The following LMX1B variants were observed in gnomAD, a reference collection of about 807,000 sequenced individuals.
LMX1B encodes LIM homeobox transcription factor 1-beta.
LMX1B carries 12 observed loss-of-function variants against 51.4 expected under a neutral mutation model. The observed-to-expected ratio is 0.23, with a 90% CI of 0.15 to 0.38. The LOEUF (loss-of-function observed/expected upper bound fraction) is 0.38, where lower values mean the gene tolerates loss of function less well. Ranked by LOEUF, LMX1B falls within the 10% of genes least tolerant of loss-of-function variation. The probability of loss-of-function intolerance (pLI) is 1.00; values close to 1 mark genes in which losing one functional copy is unlikely to be tolerated. For synonymous variants in LMX1B, 237 were observed against 235.4 expected (o/e 1.01, Z -0.06); for missense variants, 445 against 571.1 (o/e 0.78, Z 2.25).
intron 2 of LMX1B, among the ~76,000 whole-genome samples, chr9:126,665,251 G>A (rs886124489): frequency 3.9e-5 from 6 of 152,202 alleles, no homozygotes; most frequent in African/African-American, 1.4e-4. Flanking sequence ...AACCTGATTT[G>A]GGGGGAGGGG....
intron 2 of LMX1B, among the ~76,000 whole-genome samples, chr9:126,682,912 A>AG (rs1554727759): frequency 0.011 from 1,700 of 148,480 alleles, 19 homozygotes; most frequent in Non-Finnish European, 0.02. Flanking sequence ...AAAAAAAAAA[A>AG]AAAGAAAGAA....
intron 2 of LMX1B, among the ~76,000 whole-genome samples, chr9:126,642,542 G>C (rs749067165): frequency 6.6e-6 from 1 of 152,154 alleles, no homozygotes; most frequent in Non-Finnish European, 1.5e-5. Context: ...AGCCACCCCA[G>C]GTTGCCTGGA....
At position 126,695,891 on chromosome 9, in the gene LMX1B, C is replaced by G. The variant is rs2030309708; in HGVS notation, c.939C>G (p.Ala313=). The G allele has an allele frequency of 6.2e-7, 1 of 1,613,324 alleles. No homozygotes were observed. Among genetic ancestry groups the G allele is most frequent in the Middle Eastern group, 1.7e-4 (1 of 6,042 alleles). ...EGMMASYTPL[A]PPQQQIVAME... The stretch of plus-strand genomic sequence containing the variant: ...TGATGGCTTCCTACACGCCGCTGGC[C>G]CCACCACAGCAGCAGATCGTGGCCA... The change falls in exon 7 of 8, where the codon GCC becomes GCG. Residue 313 remains alanine (A), a synonymous_variant. Transcript: ENST00000373474. This position sits in a 1 kb window ranked among gnomAD's most constrained non-coding sequence, Gnocchi z 5.2.
chr9:126,680,668 A>C (rs1172471116), intron 2 of LMX1B, among the ~76,000 whole-genome samples: 3 of 152,150 alleles, frequency 2.0e-5, no homozygotes, highest in Non-Finnish European at 2.9e-5. Flanking sequence ...GCAGACCAGG[A>C]GAGGGCCTGG....
intron 2 of LMX1B, among the ~76,000 whole-genome samples, chr9:126,661,190 A>G (rs1011044621): frequency 2.0e-5 from 3 of 151,902 alleles, no homozygotes; most frequent in Admixed American, 2.0e-4. Context: ...CCCTCAAGCT[A>G]ATGTGGACAC....
intron 3 of LMX1B, 121 bp from the exon 4 acceptor site, chr9:126,693,021 C>A: frequency 9.5e-7 from 1 of 1,056,628 alleles, no homozygotes; most frequent in South Asian, 1.6e-5. Context: ...CACTGGGGAG[C>A]CACGGCAGGT....
rs1347555678 is a variant in LMX1B at position 126,658,508 on chromosome 9, C to T, written c.327-32328C>T. On this transcript the variant is annotated intron_variant, in intron 2 of 7. Coordinates refer to ENST00000373474, the MANE Select transcript of LMX1B (RefSeq NM_001174147.2). The surrounding 1 kb of genome is among the most constrained non-coding windows in gnomAD (Gnocchi z 4.0). ...TGGGAAGGACTAATTAGATATAATT[C>T]ATTATCCTCAAAAATGAGATCAGAA... 6.6e-6 allele frequency among the ~76,000 whole-genome samples: 1 copy of T among 152,138 alleles called. No homozygotes were observed. The highest frequency in any genetic ancestry group is 2.4e-5 in the African/African-American group (1 of 41,428).
At chr9:126,675,725 A>G (rs1332646316) in intron 2 of LMX1B, among the ~76,000 whole-genome samples, 1 of 144,258 alleles carries the variant, frequency 6.9e-6, no homozygotes, top group East Asian at 2.0e-4. Context: ...CTCCATCTCA[A>G]AAAAAAAATT....
intron 2 of LMX1B, among the ~76,000 whole-genome samples, chr9:126,659,042 C>T (rs576950672): frequency 1.1e-4 from 16 of 152,334 alleles, no homozygotes; most frequent in African/African-American, 3.8e-4. Context: ...GGTATCCTCT[C>T]CTTCATGCAC....
chr9:126,679,618 G>C (rs1204387778), intron 2 of LMX1B, among the ~76,000 whole-genome samples: 2 of 152,012 alleles, frequency 1.3e-5, no homozygotes, highest in Admixed American at 1.3e-4. Flanking sequence ...ATGAGAAAAA[G>C]AGAGGTACGA....
At chr9:126,662,210 G>A (rs890924140) in intron 2 of LMX1B, among the ~76,000 whole-genome samples, 1 of 152,194 alleles carries the variant, frequency 6.6e-6, no homozygotes, top group Non-Finnish European at 1.5e-5. Flanking sequence ...TGTACAAATG[G>A]GGTTAATATG....
At position 126,698,463 on chromosome 9, in the gene LMX1B, A is replaced by G. The variant is rs554664612; in HGVS notation, c.*2012A>G. The G allele has an allele frequency of 2.6e-5, 4 of 152,306 alleles. No homozygotes were observed. Among genetic ancestry groups the G allele is most frequent in the African/African-American group, 7.2e-5 (3 of 41,532 alleles). 9.4% of individuals were successfully genotyped at this position (152,306 alleles called of 1,614,324 possible). A position where few individuals can be genotyped will look rare whatever the true frequency, so the allele number is the denominator to read the frequency against. On this transcript the variant is annotated 3_prime_UTR_variant, in exon 8 of 8. Transcript: ENST00000373474. The stretch of plus-strand genomic sequence containing the variant: ...CCTTCTCCCAGGGCAATTGCAGAAG[A>G]TTGTGTCAGGCGCCCTGCTGGAAGT...
At chr9:126,644,865 T>C (rs1304156594) in intron 2 of LMX1B, among the ~76,000 whole-genome samples, 2 of 152,176 alleles carry the variant, frequency 1.3e-5, no homozygotes, top group Non-Finnish European at 2.9e-5. Flanking sequence ...TGGGATTCTC[T>C]CAACCAAGAC....
chr9:126,689,153 T>C (rs775853284), intron 2 of LMX1B, among the ~76,000 whole-genome samples: 6 of 152,050 alleles, frequency 3.9e-5, no homozygotes, highest in Non-Finnish European at 7.4e-5. Flanking sequence ...CATTGCAGGA[T>C]GAGTAGGAGC....
intron 2 of LMX1B, among the ~76,000 whole-genome samples, chr9:126,656,688 C>T (rs539354968): frequency 6.6e-6 from 1 of 152,304 alleles, no homozygotes; most frequent in African/African-American, 2.4e-5. Flanking sequence ...AGTTCTCTGA[C>T]ATATGAGTCT....
chr9:126,644,988 G>T (rs74369065), intron 2 of LMX1B, among the ~76,000 whole-genome samples: 4 of 152,156 alleles, frequency 2.6e-5, no homozygotes, highest in African/African-American at 9.7e-5. Context: ...TCAGTCTGCC[G>T]TGATAGAGCC....
chr9:126,640,234 G>C (rs1052439809), intron 2 of LMX1B, among the ~76,000 whole-genome samples: 2 of 152,212 alleles, frequency 1.3e-5, no homozygotes, highest in African/African-American at 2.4e-5. Flanking sequence ...GGGAGCTGGG[G>C]CTGAGGTGTG....
chr9:126,675,982 G>A (rs1836550940), intron 2 of LMX1B, among the ~76,000 whole-genome samples: 1 of 149,322 alleles, frequency 6.7e-6, no homozygotes, highest in Non-Finnish European at 1.5e-5. Context: ...CCGGGAGGCG[G>A]AGCTTGCAGT....
intron 1 of LMX1B, 98 bp downstream of exon 1, chr9:126,614,686 G>A: frequency 7.8e-7 from 1 of 1,287,224 alleles, no homozygotes; most frequent in Non-Finnish European, 1.0e-6. Context: ...TAAAGGAAAT[G>A]GGTTTGCAGG....
Sources: gnomAD v4.1 joint callset for allele counts (sites outside exome capture counted in the v4.1 genomes callset) on GRCh38, gnomAD v4.1.1 for gene constraint, Gnocchi (gnomAD v3.1) non-coding constraint, MANE v1.5 for transcripts, NCBI Gene and HGNC (gene_info 2026-07-23, HGNC 2026-07-21) for gene names.